The following MAP4K4 variants were observed in gnomAD, a reference collection of about 807,000 sequenced individuals.
MAP4K4 encodes HPK/GCK-like kinase HGK.
A neutral mutation model predicts 189.6 loss-of-function variants in MAP4K4; 38 were observed. The observed-to-expected ratio is 0.20, with a 90% CI of 0.15 to 0.26. The LOEUF is 0.26. MAP4K4 is among the 10% of genes least tolerant of loss of function. MAP4K4 has a pLI of 1.00. For missense variants in MAP4K4, 1,054 were observed against 1,726.9 expected, an observed-to-expected ratio of 0.61 and a Z score of 6.91; for synonymous variants, 610 against 624.3, an observed-to-expected ratio of 0.98 and a Z score of 0.34.
chr2:101,804,625 A>G (rs1373412882), intron 3 of MAP4K4, among the ~76,000 whole-genome samples: 2 of 151,812 alleles, frequency 1.3e-5, no homozygotes, highest in African/African-American at 2.4e-5. Flanking sequence ...ACATTCCCAG[A>G]CACTTTTTTT....
chr2:101,840,266 G>T (rs2096876284), intron 10 of MAP4K4, among the ~76,000 whole-genome samples: 1 of 152,126 alleles, frequency 6.6e-6, no homozygotes, highest in South Asian at 2.1e-4. Flanking sequence ...CGTTGTTGCT[G>T]CCCATTTTAC....
chr2:101,800,511 A>G (rs2094263813), intron 3 of MAP4K4, among the ~76,000 whole-genome samples: 1 of 152,262 alleles, frequency 6.6e-6, no homozygotes, highest in Non-Finnish European at 1.5e-5. Context: ...TTTATGTGCT[A>G]CTATATTTTA....
At chr2:101,765,058 A>AT (rs1271526319) in intron 2 of MAP4K4, among the ~76,000 whole-genome samples, 1 of 152,228 alleles carries the variant, frequency 6.6e-6, no homozygotes, top group East Asian at 1.9e-4. Context: ...AAAGGAACAA[A>AT]TTAACAACAC....
At chr2:101,764,704 A>C (rs1379017877) in intron 2 of MAP4K4, among the ~76,000 whole-genome samples, 1 of 152,216 alleles carries the variant, frequency 6.6e-6, no homozygotes, top group Admixed American at 6.5e-5. Context: ...TTGAATTAAT[A>C]TAAGCCCTGC....
At chr2:101,748,464 A>G (rs11678735) in intron 2 of MAP4K4, among the ~76,000 whole-genome samples, 4 of 152,162 alleles carry the variant, frequency 2.6e-5, no homozygotes, top group East Asian at 1.9e-4. Flanking sequence ...TGTAATTTCT[A>G]TTTCCCATTT....
At position 101,809,177 on chromosome 2, in the gene MAP4K4, T is replaced by G. The variant is rs909197747; in HGVS notation, c.181-14751T>G. Among the ~76,000 whole-genome samples, 5 of 152,350 alleles carry G rather than the reference T, an allele frequency of 3.3e-5. No homozygotes were observed. The South Asian group carries it at 1.0e-3, about 32-fold the overall frequency. The stretch of plus-strand genomic sequence containing the variant: ...TCTAGTCACCACTTCATGGTACACC[T>G]CTACAACTTTGAGCTTGTATATAGC... On this transcript the variant is annotated intron_variant, in intron 3 of 32. Coordinates refer to ENST00000324219, the Ensembl canonical transcript of MAP4K4.
intron 2 of MAP4K4, among the ~76,000 whole-genome samples, chr2:101,786,118 C>A (rs940773395): frequency 6.6e-6 from 1 of 152,106 alleles, no homozygotes; most frequent in South Asian, 2.1e-4. Context: ...AGCCATTGCA[C>A]CCGGCCGGCA....
In MAP4K4 at chr2:101,858,997, AGT is replaced by A; in HGVS notation, c.1398_1399del (p.Ile468GlnfsTer59). On this transcript the variant is annotated frameshift_variant and splice_region_variant, in exon 14 of 33. Transcript: ENST00000324219. LOFTEE classifies it high-confidence loss of function. ...TGCTGGGTGATTTCTGTGTGACAGG[AGT>A]ATATCAGGCGACAGCTAGAAGAGGA... 1 of 1,609,930 alleles carries A rather than the reference AGT, an allele frequency of 6.2e-7. No homozygotes were observed. Among genetic ancestry groups the A allele is most frequent in the Non-Finnish European group, 8.5e-7 (1 of 1,177,168 alleles).
intron 5 of MAP4K4, among the ~76,000 whole-genome samples, chr2:101,829,111 C>T (rs1309801772): frequency 6.6e-6 from 1 of 152,148 alleles, no homozygotes; most frequent in Non-Finnish European, 1.5e-5. Flanking sequence ...TTTGCTTTTC[C>T]CCTGAGATGT....
At chr2:101,759,497 TCC>T (rs2074775954) in intron 2 of MAP4K4, among the ~76,000 whole-genome samples, 1 of 17,478 alleles carries the variant, frequency 5.7e-5, no homozygotes, top group Admixed American at 7.0e-4. Flanking sequence ...TCCCCTCTCC[TCC>T]CCTCTCCCCT....
intron 3 of MAP4K4, among the ~76,000 whole-genome samples, chr2:101,821,721 C>T (rs750301868): frequency 8.5e-5 from 13 of 152,102 alleles, no homozygotes; most frequent in Non-Finnish European, 1.6e-4. Context: ...ACATGGTACA[C>T]TTAGGATACA....
intron 2 of MAP4K4, among the ~76,000 whole-genome samples, chr2:101,702,524 G>T (rs2039465585): frequency 6.6e-6 from 1 of 152,108 alleles, no homozygotes; most frequent in Admixed American, 6.5e-5. Flanking sequence ...AGCCGAGATT[G>T]TGCCATTGCA....
At chr2:101,854,182 C>T (rs1044487359) in intron 12 of MAP4K4, among the ~76,000 whole-genome samples, 1 of 152,132 alleles carries the variant, frequency 6.6e-6, no homozygotes, top group Non-Finnish European at 1.5e-5. Context: ...ATTTCTTCAA[C>T]TGTGTTGAAA....
intron 3 of MAP4K4, among the ~76,000 whole-genome samples, chr2:101,792,022 A>G (rs920466675): frequency 3.9e-5 from 6 of 152,206 alleles, no homozygotes; most frequent in African/African-American, 1.4e-4. Context: ...TCAGTGGGAA[A>G]TTGGATGCTT....
At chr2:101,840,298 G>A (rs1339375759) in intron 10 of MAP4K4, among the ~76,000 whole-genome samples, 1 of 152,136 alleles carries the variant, frequency 6.6e-6, no homozygotes, top group Non-Finnish European at 1.5e-5. Flanking sequence ...TGTGTTCATG[G>A]TATATTTCAC....
chr2:101,794,018 T>C (rs1405267956), intron 3 of MAP4K4, among the ~76,000 whole-genome samples: 1 of 152,216 alleles, frequency 6.6e-6, no homozygotes, highest in Admixed American at 6.5e-5. Context: ...AAATTTTGTG[T>C]GTGAGTACTT....
At chr2:101,892,109 T>C (rs1286470900) in exon 33 of MAP4K4, 1 of 152,584 alleles carries the variant, frequency 6.6e-6, no homozygotes, top group Non-Finnish European at 1.5e-5. Flanking sequence ...GTTAAAGGTT[T>C]AATTTTTGTT....
chr2:101,783,292 G>A (rs977406835), intron 2 of MAP4K4, among the ~76,000 whole-genome samples: 11 of 145,130 alleles, frequency 7.6e-5, no homozygotes, highest in African/African-American at 2.6e-4. Context: ...AAAAAAAAAA[G>A]GATATTTGTT....
At chr2:101,821,230 G>A (rs1030202242) in intron 3 of MAP4K4, among the ~76,000 whole-genome samples, 2 of 152,152 alleles carry the variant, frequency 1.3e-5, no homozygotes, top group African/African-American at 2.4e-5. Flanking sequence ...TCATGTGACT[G>A]TTGCCGTATT....
Sources: allele counts gnomAD v4.1 joint callset (sites outside exome capture counted in the v4.1 genomes callset), GRCh38; gene constraint gnomAD v4.1.1; transcripts MANE v1.5; gene names NCBI Gene and HGNC (gene_info 2026-07-23, HGNC 2026-07-21).